JPH3: variants seen among roughly 807,000 people sequenced by gnomAD.
The protein encoded by JPH3 is junctophilin 3.
JPH3 carries 11 observed loss-of-function variants against 59.6 expected under a neutral mutation model. That is an observed-to-expected ratio of 0.18 (90% confidence interval 0.12 to 0.31). The LOEUF (loss-of-function observed/expected upper bound fraction) is 0.31, where lower values mean the gene tolerates loss of function less well. Ranked by LOEUF, JPH3 falls within the 10% of genes least tolerant of loss-of-function variation. JPH3 has a pLI of 1.00. For missense variants in JPH3, 1,202 were observed against 1,105.7 expected, an observed-to-expected ratio of 1.09 and a Z score of -1.24; for synonymous variants, 673 against 483.6, an observed-to-expected ratio of 1.39 and a Z score of -5.14.
At chr16:87,663,115 C>CTTTCTTTTTTT (rs528763904) in intron 2 of JPH3, among the ~76,000 whole-genome samples, 1 of 143,436 alleles carries the variant, frequency 7.0e-6, no homozygotes, top group African/African-American at 2.6e-5. Context: ...TAATTTCTTT[C>CTTTCTTTTTTT]TTTTTTTTTT....
intron 2 of JPH3, among the ~76,000 whole-genome samples, chr16:87,653,235 C>T (rs944952843): frequency 6.6e-6 from 1 of 152,218 alleles, no homozygotes. Flanking sequence ...GATGCCTGCT[C>T]TGAAAGGGGC....
Position 87,687,847 on chromosome 16 carries a change from G to A in JPH3, c.1286-1799G>A, listed in dbSNP as rs867581389. Among the ~76,000 whole-genome samples the A allele has an allele frequency of 3.9e-5, 6 of 152,286 alleles. No individual in the cohort carries two copies. In the South Asian group the frequency reaches 1.0e-3, roughly 26 times the overall value. ...TGGTGGGAAAGGCCGGGGCGCCATC[G>A]GGGGATGGGGGGGGCCTTGATCCCA... On this transcript the variant is annotated intron_variant, in intron 3 of 4. Coordinates refer to ENST00000284262, the MANE Select transcript of JPH3 (RefSeq NM_020655.4).
At chr16:87,641,069 G>A (rs148003068) in intron 1 of JPH3, among the ~76,000 whole-genome samples, 80 of 152,322 alleles carry the variant, frequency 5.3e-4, no homozygotes, top group Middle Eastern at 6.8e-3. Flanking sequence ...TTGGGGTGCC[G>A]GGTGGTTCCG....
At chr16:87,676,175 C>A (rs1224803475) in intron 2 of JPH3, among the ~76,000 whole-genome samples, 1 of 152,212 alleles carries the variant, frequency 6.6e-6, no homozygotes, top group Non-Finnish European at 1.5e-5. Context: ...TGGAAATGTG[C>A]TCTTTTTATG....
intron 2 of JPH3, among the ~76,000 whole-genome samples, chr16:87,647,770 G>A (rs994109103): frequency 6.6e-6 from 1 of 152,232 alleles, no homozygotes; most frequent in Non-Finnish European, 1.5e-5. Context: ...TGGAGCCAGG[G>A]TGTACGGCTG....
At chr16:87,673,281 A>C (rs2033063866) in intron 2 of JPH3, among the ~76,000 whole-genome samples, 1 of 151,644 alleles carries the variant, frequency 6.6e-6, no homozygotes, top group Non-Finnish European at 1.5e-5. Flanking sequence ...AACTACAAGG[A>C]GATAATGCTG....
chr16:87,660,114 G>A (rs1432685587), intron 2 of JPH3, among the ~76,000 whole-genome samples: 1 of 152,160 alleles, frequency 6.6e-6, no homozygotes, highest in African/African-American at 2.4e-5. Flanking sequence ...TTCCTCATCT[G>A]TAAAGGGGAG....
intron 1 of JPH3, among the ~76,000 whole-genome samples, chr16:87,637,810 G>C (rs1421058494): frequency 6.6e-6 from 1 of 152,180 alleles, no homozygotes; most frequent in Non-Finnish European, 1.5e-5. Flanking sequence ...GGCCTCCTGG[G>C]TGGTGTTCCC....
intron 4 of JPH3, chr16:87,693,423 C>G (rs1440765348): frequency 4.6e-5 from 7 of 152,272 alleles, no homozygotes; most frequent in Non-Finnish European, 1.5e-5. Flanking sequence ...CCTATAATCC[C>G]AGCACTTTGA....
In JPH3 at chr16:87,689,735, G is replaced by A. The variant is rs1435334106; in HGVS notation, c.1375G>A (p.Glu459Lys). The change falls in exon 4 of 5, where the codon GAG becomes AAG. Residue 459 changes from glutamate to lysine, a missense_variant. Physicochemically the swap from Glu to Lys is moderately conservative, Grantham distance 56. Transcript: ENST00000284262. ...GACACCCCTGCAGCAGGAGAGCCCC[G>A]AGCTGTACCGCAAGGGCACCACTCC... ...TGTPLQQESP[E>K]LYRKGTTPSD... The A allele has an allele frequency of 3.7e-6, 6 of 1,612,396 alleles. No homozygotes were observed. The highest frequency in any genetic ancestry group is 1.7e-4 in the Middle Eastern group (1 of 6,060).
At chr16:87,631,049 GTTC>G (rs1447213349) in intron 1 of JPH3, among the ~76,000 whole-genome samples, 1 of 152,104 alleles carries the variant, frequency 6.6e-6, no homozygotes, top group Non-Finnish European at 1.5e-5. Flanking sequence ...TAAATCACTG[GTTC>G]TTTTTTCACC....
chr16:87,680,729 T>C (rs908135409), intron 2 of JPH3, among the ~76,000 whole-genome samples: 1 of 152,230 alleles, frequency 6.6e-6, no homozygotes, highest in African/African-American at 2.4e-5. Context: ...GGCCGAGACC[T>C]GGTGTCTCAT....
chr16:87,676,352 A>G (rs2033141424), intron 2 of JPH3, among the ~76,000 whole-genome samples: 1 of 152,196 alleles, frequency 6.6e-6, no homozygotes, highest in African/African-American at 2.4e-5. Context: ...GGATCCATAA[A>G]TGCATTAAGT....
At chr16:87,637,002 G>T (rs1020981264) in intron 1 of JPH3, among the ~76,000 whole-genome samples, 1 of 152,224 alleles carries the variant, frequency 6.6e-6, no homozygotes, top group African/African-American at 2.4e-5. Flanking sequence ...CATGACGGGG[G>T]TCAGGCCTCC....
intron 1 of JPH3, among the ~76,000 whole-genome samples, chr16:87,613,188 C>T (rs573675923): frequency 6.7e-6 from 1 of 149,314 alleles, no homozygotes; most frequent in Non-Finnish European, 1.5e-5. Context: ...GCTCCGCCTG[C>T]CGGATTCACG....
rs371327144 is a variant in JPH3 at position 87,658,605 on chromosome 16, C to G, written c.1160+13570C>G. Among the ~76,000 whole-genome samples the G allele has an allele frequency of 2.0e-4, 31 of 152,224 alleles. No homozygotes were observed. The East Asian group carries it at 6.0e-3, about 29-fold the overall frequency. On this transcript the variant is annotated intron_variant, in intron 2 of 4. Coordinates refer to ENST00000284262, the MANE Select transcript of JPH3 (RefSeq NM_020655.4). ...TCACCTGTGAATTCCTGAAACAGAC[C>G]CAGGGCATGATGTCGTGGAGGGCAG...
chr16:87,677,422 T>TA (rs966160480), intron 2 of JPH3, among the ~76,000 whole-genome samples: 7 of 151,872 alleles, frequency 4.6e-5, no homozygotes, highest in African/African-American at 1.7e-4. Flanking sequence ...ATAAAGCTGC[T>TA]AAAAAAAACT....
intron 1 of JPH3, among the ~76,000 whole-genome samples, chr16:87,607,494 C>G (rs973511413): frequency 6.6e-5 from 10 of 152,236 alleles, no homozygotes; most frequent in African/African-American, 2.4e-4. Context: ...CATTTTCCAC[C>G]CCGTCCCCCA....
intron 1 of JPH3, among the ~76,000 whole-genome samples, chr16:87,612,704 A>G (rs1179598736): frequency 6.6e-6 from 1 of 152,108 alleles, no homozygotes; most frequent in Non-Finnish European, 1.5e-5. Context: ...TGGTTCATGA[A>G]ATTAATATAG....
Sources: allele counts gnomAD v4.1 joint callset (sites outside exome capture counted in the v4.1 genomes callset), GRCh38; gene constraint gnomAD v4.1.1; transcripts MANE v1.5; gene names NCBI Gene and HGNC (gene_info 2026-07-23, HGNC 2026-07-21).